The following CDK19 variants were observed in gnomAD, a reference collection of about 807,000 sequenced individuals.
The protein encoded by CDK19 is cyclin dependent kinase 19.
In CDK19, 20 loss-of-function variants were observed where a neutral mutation model predicts 68.3. That is an observed-to-expected ratio of 0.29 (90% CI 0.21 to 0.43). The LOEUF is 0.43. Ranked by LOEUF, CDK19 falls within the 20% of genes least tolerant of loss-of-function variation. The pLI, the probability that CDK19 is intolerant of heterozygous loss-of-function variation, is 1.00. For synonymous variants in CDK19, 221 were observed against 222.8 expected (o/e 0.99, Z 0.07); for missense variants, 339 against 623.5 (o/e 0.54, Z 4.86).
chr6:110,641,468 G>T (rs1562149548), intron 4 of CDK19, among the ~76,000 whole-genome samples: 1 of 151,434 alleles, frequency 6.6e-6, no homozygotes, highest in East Asian at 1.9e-4. Flanking sequence ...ATGGTGGCAG[G>T]CACCTGTAGT....
At chr6:110,805,468 A>G (rs1222871688) in intron 1 of CDK19, among the ~76,000 whole-genome samples, 2 of 152,198 alleles carry the variant, frequency 1.3e-5, no homozygotes, top group East Asian at 3.8e-4. Flanking sequence ...TGCACTATAG[A>G]ATAATTTTTC....
intron 1 of CDK19, among the ~76,000 whole-genome samples, chr6:110,763,630 G>A (rs997811563): frequency 6.6e-6 from 1 of 151,786 alleles, no homozygotes; most frequent in African/African-American, 2.4e-5. Context: ...GGTCAGGCTG[G>A]TCTCAAACTC....
intron 4 of CDK19, chr6:110,646,416 T>G (rs1317212295): frequency 3.4e-6 from 5 of 1,492,284 alleles, no homozygotes; most frequent in African/African-American, 1.4e-5. Flanking sequence ...GGCGGCGACA[T>G]GGCCTTCCCG....
At chr6:110,725,347 T>A (rs184297527) in intron 2 of CDK19, among the ~76,000 whole-genome samples, 1 of 152,158 alleles carries the variant, frequency 6.6e-6, no homozygotes, top group Admixed American at 6.6e-5. Context: ...AACATGGGAT[T>A]AATAATTTTA....
At chr6:110,782,453 C>T (rs897276830) in intron 1 of CDK19, among the ~76,000 whole-genome samples, 2 of 152,170 alleles carry the variant, frequency 1.3e-5, no homozygotes, top group Non-Finnish European at 2.9e-5. Context: ...CTCGTCATTC[C>T]TATTTGGACC....
intron 2 of CDK19, among the ~76,000 whole-genome samples, chr6:110,674,576 GGATA>G (rs1478928800): frequency 6.6e-6 from 1 of 152,148 alleles, no homozygotes; most frequent in Non-Finnish European, 1.5e-5. Context: ...TTAGTGATCT[GGATA>G]GAAGATTAAA....
chr6:110,681,536 A>C (rs1772016058), intron 2 of CDK19, among the ~76,000 whole-genome samples: 2 of 152,248 alleles, frequency 1.3e-5, no homozygotes, highest in South Asian at 4.1e-4. Context: ...TCCACCTACC[A>C]AAATAAGACA....
chr6:110,808,564 G>T (rs558166353), intron 1 of CDK19, among the ~76,000 whole-genome samples: 1 of 152,276 alleles, frequency 6.6e-6, no homozygotes, highest in South Asian at 2.1e-4. Context: ...GCTGATCACT[G>T]CTCTAGATTA....
At chr6:110,759,980 C>T (rs1186965829) in intron 1 of CDK19, among the ~76,000 whole-genome samples, 1 of 152,128 alleles carries the variant, frequency 6.6e-6, no homozygotes, top group Non-Finnish European at 1.5e-5. Context: ...AGCATTTTTC[C>T]ATTTACCATT....
intron 4 of CDK19, among the ~76,000 whole-genome samples, chr6:110,653,611 A>T (rs1353997665): frequency 6.6e-6 from 1 of 152,216 alleles, no homozygotes; most frequent in Non-Finnish European, 1.5e-5. Flanking sequence ...GATGCCTCAC[A>T]TTTAAGTTAT....
At chr6:110,714,182 C>A (rs1562224542) in intron 2 of CDK19, among the ~76,000 whole-genome samples, 1 of 152,190 alleles carries the variant, frequency 6.6e-6, no homozygotes, top group Non-Finnish European at 1.5e-5. Context: ...TGAAACTATA[C>A]AATATATAGC....
At chr6:110,721,226 T>A (rs1775861176) in intron 2 of CDK19, among the ~76,000 whole-genome samples, 1 of 151,948 alleles carries the variant, frequency 6.6e-6, no homozygotes, top group African/African-American at 2.4e-5. Flanking sequence ...GGTGACAGAG[T>A]GAGACTGTCT....
At chr6:110,759,434 T>TAC (rs1779079607) in intron 1 of CDK19, among the ~76,000 whole-genome samples, 1 of 116,030 alleles carries the variant, frequency 8.6e-6, no homozygotes, top group African/African-American at 3.7e-5. Context: ...AAAAAATATA[T>TAC]ATATATATAT....
chr6:110,737,809 C>T (rs1297664231), intron 2 of CDK19, among the ~76,000 whole-genome samples: 1 of 151,952 alleles, frequency 6.6e-6, no homozygotes, highest in Non-Finnish European at 1.5e-5. Flanking sequence ...TAACTATCAC[C>T]ATATATTGCA....
intron 2 of CDK19, among the ~76,000 whole-genome samples, chr6:110,708,556 C>A (rs192563786): frequency 1.3e-5 from 2 of 152,300 alleles, no homozygotes; most frequent in Admixed American, 1.3e-4. Flanking sequence ...TATGGAAGGG[C>A]AGGCTCTCCG....
intron 2 of CDK19, among the ~76,000 whole-genome samples, chr6:110,729,170 TA>T (rs550519867): frequency 6.6e-6 from 1 of 152,166 alleles, no homozygotes; most frequent in Non-Finnish European, 1.5e-5. Flanking sequence ...ACCTAGTAAG[TA>T]AAAGAGCTAG....
chr6:110,806,414 T>C lies in CDK19; in HGVS notation c.128+8595A>G, dbSNP rs527945987. On this transcript the variant is annotated intron_variant, in intron 1 of 12. Transcript: ENST00000368911. ...TTAGCCAACCCCCCCATCTCCAGTC[T>C]TCAGATATTTCTATCTTATACATCA... Among the ~76,000 whole-genome samples, 4 of 152,206 alleles carry C rather than the reference T, an allele frequency of 2.6e-5. No homozygotes were observed. In the East Asian group the frequency reaches 7.7e-4, roughly 29 times the overall value.
At chr6:110,804,895 G>A (rs1782574972) in intron 1 of CDK19, among the ~76,000 whole-genome samples, 1 of 151,606 alleles carries the variant, frequency 6.6e-6, no homozygotes, top group African/African-American at 2.4e-5. Flanking sequence ...GGCGGAGCTT[G>A]CAGTGAGCCG....
chr6:110,813,009 TAC>T (rs966902740), intron 1 of CDK19: 3 of 150,998 alleles, frequency 2.0e-5, no homozygotes, highest in Non-Finnish European at 2.9e-5. Context: ...TTATACGTAA[TAC>T]AGTGATTTAA....
Sources: allele counts gnomAD v4.1 joint callset (sites outside exome capture counted in the v4.1 genomes callset), GRCh38; gene constraint gnomAD v4.1.1; transcripts MANE v1.5; gene names NCBI Gene and HGNC (gene_info 2026-07-23, HGNC 2026-07-21).